Variants in CUBN observed in about 807,000 individuals in gnomAD.
The protein encoded by CUBN is 460 kDa receptor.
A neutral mutation model predicts 405.3 loss-of-function variants in CUBN; 282 were observed. That is an observed-to-expected ratio of 0.70 (90% CI 0.63 to 0.77). CUBN has a LOEUF of 0.77. CUBN is among the 30% of genes least tolerant of loss of function. CUBN has a pLI of 0.00. For synonymous variants in CUBN, 1,684 were observed against 1,617.0 expected (o/e 1.04, Z -0.99); for missense variants, 4,514 against 4,475.2 (o/e 1.01, Z -0.25).
At chr10:17,003,824 C>G (rs1833950297) in intron 28 of CUBN, among the ~76,000 whole-genome samples, 1 of 152,154 alleles carries the variant, frequency 6.6e-6, no homozygotes, top group African/African-American at 2.4e-5. Context: ...TCTTAGTAAC[C>G]AGGACCCAGA....
intron 48 of CUBN, among the ~76,000 whole-genome samples, chr10:16,908,429 G>T (rs772247834): frequency 3.6e-4 from 55 of 152,146 alleles, no homozygotes; most frequent in Non-Finnish European, 6.5e-4. Context: ...ACTGGTGTGA[G>T]CCACAGCACC....
At chr10:17,006,853 C>A (rs952508799) in intron 28 of CUBN, among the ~76,000 whole-genome samples, 1 of 152,144 alleles carries the variant, frequency 6.6e-6, no homozygotes. Context: ...ATGGACCCAG[C>A]CCCCATTTGA....
At chr10:17,021,863 C>G (rs1469951600) in intron 27 of CUBN, among the ~76,000 whole-genome samples, 3 of 152,134 alleles carry the variant, frequency 2.0e-5, no homozygotes, top group African/African-American at 7.2e-5. Flanking sequence ...GCTTGTGTGT[C>G]TTACCTCCCC....
At chr10:16,912,993 G>T (rs562258774) in intron 48 of CUBN, among the ~76,000 whole-genome samples, 1 of 152,282 alleles carries the variant, frequency 6.6e-6, no homozygotes, top group East Asian at 1.9e-4. Flanking sequence ...AGTGAACGGT[G>T]GGGGTATTAG....
chr10:16,925,206 G>A lies in CUBN; in HGVS notation c.6646+35C>T, dbSNP rs777373315. The A allele has an allele frequency of 5.1e-6, 8 of 1,565,220 alleles. No homozygotes were observed. In the African/African-American group the frequency reaches 1.1e-4, roughly 21 times the overall value. On this transcript the variant is annotated intron_variant, in intron 43 of 66. Transcript: ENST00000377833. ...ATCAAAGAAGATCAAGCAATTGCAG[G>A]AAAAGCAGATATAATTCTCAGTGAA... is the stretch of plus-strand genomic sequence containing the variant.
At chr10:16,860,892 C>T (rs930949872) in intron 59 of CUBN, among the ~76,000 whole-genome samples, 1 of 152,208 alleles carries the variant, frequency 6.6e-6, no homozygotes, top group Non-Finnish European at 1.5e-5. Context: ...ATCATCCCCA[C>T]AGGTGCTGGG....
intron 54 of CUBN, among the ~76,000 whole-genome samples, chr10:16,893,685 G>A (rs1841100592): frequency 1.3e-5 from 2 of 152,078 alleles, no homozygotes; most frequent in Admixed American, 1.3e-4. Flanking sequence ...TGTCCAGATT[G>A]TTAATCTATA....
chr10:16,950,811 T>C (rs1283313284), intron 33 of CUBN, among the ~76,000 whole-genome samples: 1 of 152,238 alleles, frequency 6.6e-6, no homozygotes, highest in East Asian at 1.9e-4. Context: ...CCAGTTTTTA[T>C]ATCACCATTG....
intron 22 of CUBN, among the ~76,000 whole-genome samples, chr10:17,051,594 G>A (rs1414507572): frequency 6.6e-6 from 1 of 151,904 alleles, no homozygotes; most frequent in African/African-American, 2.4e-5. Context: ...GGCCCAAAAA[G>A]GGAGAAAATT....
chr10:16,863,273 A>G (rs1840069527), intron 59 of CUBN, among the ~76,000 whole-genome samples: 1 of 152,246 alleles, frequency 6.6e-6, no homozygotes, highest in Admixed American at 6.5e-5. Flanking sequence ...GCTTAAAAAG[A>G]GCGGAAATAA....
At chr10:17,073,482 T>C (rs1276149347) in intron 17 of CUBN, among the ~76,000 whole-genome samples, 5 of 148,960 alleles carry the variant, frequency 3.4e-5, no homozygotes, top group Non-Finnish European at 7.4e-5. Context: ...GTTTCGCTCT[T>C]GTCACCCAGG....
At chr10:17,001,218 C>T (rs1833869420) in intron 28 of CUBN, among the ~76,000 whole-genome samples, 1 of 152,140 alleles carries the variant, frequency 6.6e-6, no homozygotes, top group Admixed American at 6.5e-5. Context: ...GTAGTGCGGA[C>T]CCAAAGAGTG....
intron 39 of CUBN, among the ~76,000 whole-genome samples, chr10:16,933,646 T>A (rs1842421907): frequency 6.6e-6 from 1 of 152,154 alleles, no homozygotes; most frequent in Admixed American, 6.5e-5. Context: ...TTATCATTTT[T>A]GCGTAGTTAC....
chr10:17,094,131 G>A (rs1836323068), intron 14 of CUBN, among the ~76,000 whole-genome samples: 1 of 151,834 alleles, frequency 6.6e-6, no homozygotes, highest in Non-Finnish European at 1.5e-5. Flanking sequence ...ATCAAGTTGT[G>A]GAAAATTAAA....
chr10:16,952,231 A>G (rs1564443869), intron 33 of CUBN, 45 bp downstream of exon 33: 1 of 1,383,820 alleles, frequency 7.2e-7, no homozygotes. Context: ...TCCCACAGAC[A>G]CCTTCTCTCC....
intron 13 of CUBN, among the ~76,000 whole-genome samples, chr10:17,102,259 ATTTAT>A (rs1836510801): frequency 4.1e-5 from 2 of 48,994 alleles, no homozygotes; most frequent in Non-Finnish European, 9.2e-5. Flanking sequence ...CCTCCTATTT[ATTTAT>A]TTATTTATTT....
rs1218282811 is a variant in CUBN, at chr10:16,909,047, T to TG, written c.7534-1369_7534-1368insC. On this transcript the variant is annotated intron_variant, in intron 48 of 66. Coordinates refer to ENST00000377833, the MANE Select transcript of CUBN (RefSeq NM_001081.4). ...ACAGGTGCCCGCCACCGCGCCCGGCTAATTTTTTTTTGTATTTTTAGTAGA... is the reference window on the plus strand; with the variant it reads ...ACAGGTGCCCGCCACCGCGCCCGGCTGAATTTTTTTTTGTATTTTTAGTAGA... 2.7e-4 allele frequency among the ~76,000 whole-genome samples: 41 copies of TG among 149,210 alleles called. No homozygotes were observed. The South Asian group carries it at 4.3e-3, about 16-fold the overall frequency.
At chr10:16,910,904 G>C (rs1841712027) in intron 48 of CUBN, among the ~76,000 whole-genome samples, 1 of 152,106 alleles carries the variant, frequency 6.6e-6, no homozygotes, top group African/African-American at 2.4e-5. Context: ...AGCCGCAAGA[G>C]GGTATGCCTC....
rs575906416 is a variant in CUBN at position 16,836,945 on chromosome 10, A to G, written c.10033-563T>C. On this transcript the variant is annotated intron_variant, in intron 62 of 66. Transcript: ENST00000377833. Reference sequence around the variant, plus strand: ...CTGGAGTAAATGCAGTCGAATGCCCATCAGTTCTTGGGTAAAAACAAGTTG... The same window carrying G: ...CTGGAGTAAATGCAGTCGAATGCCCGTCAGTTCTTGGGTAAAAACAAGTTG... 3.3e-5 allele frequency among the ~76,000 whole-genome samples: 5 copies of G among 152,294 alleles called. No individual in the cohort carries two copies. The East Asian group carries it at 9.7e-4, about 30-fold the overall frequency.
Sources: allele counts gnomAD v4.1 joint callset (sites outside exome capture counted in the v4.1 genomes callset), GRCh38; gene constraint gnomAD v4.1.1; transcripts MANE v1.5; gene names NCBI Gene and HGNC (gene_info 2026-07-23, HGNC 2026-07-21).